TACR1: variants seen among roughly 807,000 people sequenced by gnomAD.
TACR1 encodes the protein substance-P receptor.
TACR1 carries 25 observed loss-of-function variants against 35.8 expected under a neutral mutation model. The ratio of observed to expected loss-of-function variants is 0.70; its 90% CI spans 0.51 to 0.98. The LOEUF (loss-of-function observed/expected upper bound fraction) is 0.98, where lower values mean the gene tolerates loss of function less well. Among genes scored for constraint, TACR1 ranks in the 50% least tolerant of loss-of-function variants. The pLI is 0.00. For missense variants in TACR1, 478 were observed against 522.9 expected, an observed-to-expected ratio of 0.91 and a Z score of 0.84; for synonymous variants, 195 against 206.7, an observed-to-expected ratio of 0.94 and a Z score of 0.48.
Position 75,131,237 on chromosome 2 carries a change from C to T in TACR1, c.390-10469G>A, listed in dbSNP as rs918695931. Among the ~76,000 whole-genome samples the T allele has an allele frequency of 5.3e-5, 8 of 151,926 alleles. No homozygotes were observed. In the East Asian group the frequency reaches 1.4e-3, roughly 26 times the overall value. On this transcript the variant is annotated intron_variant, in intron 1 of 4. Transcript: ENST00000305249. ...TCGAGTAGCTGGGACTACAGGTGCC[C>T]GCCACCATGCTTGGCTAATTTTTTG...
At chr2:75,179,193 C>T (rs112654015) in intron 1 of TACR1, among the ~76,000 whole-genome samples, 116 of 152,322 alleles carry the variant, frequency 7.6e-4, no homozygotes, top group African/African-American at 2.5e-3. Flanking sequence ...CCCAGTTGCT[C>T]AGCATCAAAC....
chr2:75,099,720 C>T (rs946641258), intron 2 of TACR1, among the ~76,000 whole-genome samples: 5 of 152,172 alleles, frequency 3.3e-5, no homozygotes, highest in African/African-American at 1.2e-4. Flanking sequence ...TTCTCTCCTA[C>T]CCTGCTGGCC....
rs566270784 is a variant in TACR1 at position 75,109,852 on chromosome 2, A to G, written c.584+10722T>C. 3.2e-4 allele frequency among the ~76,000 whole-genome samples: 48 copies of G among 152,344 alleles called. 1 individual carries two copies. The South Asian group carries it at 3.7e-3, about 12-fold the overall frequency. On this transcript the variant is annotated intron_variant, in intron 2 of 4. Coordinates refer to ENST00000305249, the MANE Select transcript of TACR1 (RefSeq NM_001058.4). ...AAATGGTGAAAGAAATAATCAAGTTAGTAAAATAGTAAGGGACACGGAAAG... is the reference window on the plus strand; with the variant it reads ...AAATGGTGAAAGAAATAATCAAGTTGGTAAAATAGTAAGGGACACGGAAAG...
intron 2 of TACR1, among the ~76,000 whole-genome samples, chr2:75,115,999 C>T (rs1408350654): frequency 6.8e-6 from 1 of 147,822 alleles, no homozygotes; most frequent in East Asian, 2.0e-4. Flanking sequence ...AGGTGCATAA[C>T]AGTGTGCATA....
At chr2:75,103,390 T>A (rs1167705806) in intron 2 of TACR1, among the ~76,000 whole-genome samples, 2 of 152,034 alleles carry the variant, frequency 1.3e-5, no homozygotes, top group East Asian at 3.9e-4. Context: ...TCCCTGTAAG[T>A]ATGGAATATG....
At chr2:75,146,551 T>G (rs1201350122) in intron 1 of TACR1, among the ~76,000 whole-genome samples, 1 of 152,204 alleles carries the variant, frequency 6.6e-6, no homozygotes, top group Non-Finnish European at 1.5e-5. Context: ...TCTAGGAGAT[T>G]ACTGGTCACA....
chr2:75,143,656 A>G (rs575687214), intron 1 of TACR1, among the ~76,000 whole-genome samples: 49 of 152,344 alleles, frequency 3.2e-4, no homozygotes, highest in Non-Finnish European at 5.3e-4. Flanking sequence ...GAAGATTACT[A>G]ACTCCAACGG....
In TACR1 at chr2:75,198,902, G is replaced by A. The variant is rs1309420313; in HGVS notation, c.33C>T (p.Leu11=). 6.2e-7 allele frequency: 1 copy of A among 1,613,814 alleles called. No homozygotes were observed. The highest frequency in any genetic ancestry group is 8.5e-7 in the Non-Finnish European group (1 of 1,180,032). Residue 11 remains leucine (L), a synonymous_variant, in exon 1 of 5, where the codon CTC becomes CTT. Transcript: ENST00000305249. The stretch of plus-strand genomic sequence containing the variant: ...AGGTGTTAGTGGAGATGTTTGGGGA[G>A]AGGTCTGAGTCCACCGGGAGGACGT... MDNVLPVDSD[L]SPNISTNTSE...
At chr2:75,155,731 G>A (rs1674834270) in intron 1 of TACR1, among the ~76,000 whole-genome samples, 1 of 152,232 alleles carries the variant, frequency 6.6e-6, no homozygotes, top group Non-Finnish European at 1.5e-5. Flanking sequence ...TTTTAAAAAG[G>A]AGAGTGGTCA....
At chr2:75,154,661 C>G (rs974053114) in intron 1 of TACR1, 2 of 152,430 alleles carry the variant, frequency 1.3e-5, no homozygotes, top group African/African-American at 4.8e-5. Flanking sequence ...TTCATCCCCA[C>G]TGTAAGTTAG....
At chr2:75,139,066 A>G (rs1191821298) in intron 1 of TACR1, among the ~76,000 whole-genome samples, 2 of 152,216 alleles carry the variant, frequency 1.3e-5, no homozygotes, top group Admixed American at 1.3e-4. Context: ...GCCATAGTTT[A>G]CTGACCTCTG....
intron 2 of TACR1, among the ~76,000 whole-genome samples, chr2:75,091,601 T>A (rs188632300): frequency 5.9e-5 from 9 of 152,310 alleles, no homozygotes; most frequent in African/African-American, 1.9e-4. Flanking sequence ...GGGCTGGGAT[T>A]CTACCCTGAG....
At chr2:75,179,245 A>G (rs1675502914) in intron 1 of TACR1, among the ~76,000 whole-genome samples, 1 of 151,988 alleles carries the variant, frequency 6.6e-6, no homozygotes, top group Non-Finnish European at 1.5e-5. Context: ...CTTCTATTTC[A>G]CATATATCCC....
At chr2:75,120,819 A>G in intron 1 of TACR1, 51 bp from the exon 2 acceptor site, 1 of 1,407,430 alleles carries the variant, frequency 7.1e-7, no homozygotes, top group Non-Finnish European at 9.5e-7. Context: ...CAAAATCTGT[A>G]TCAGAGATTC....
intron 2 of TACR1, among the ~76,000 whole-genome samples, chr2:75,092,403 T>C (rs1269950474): frequency 6.6e-6 from 1 of 152,166 alleles, no homozygotes; most frequent in Non-Finnish European, 1.5e-5. Flanking sequence ...TTACTCTCTT[T>C]GGGCAGTCTT....
intron 2 of TACR1, among the ~76,000 whole-genome samples, chr2:75,077,478 G>A (rs1408586623): frequency 2.6e-5 from 4 of 152,230 alleles, no homozygotes; most frequent in Non-Finnish European, 1.5e-5. Context: ...AGAAGAAGCT[G>A]AGAGGAGAGG....
intron 1 of TACR1, among the ~76,000 whole-genome samples, chr2:75,142,593 G>A (rs1374431897): frequency 1.3e-5 from 2 of 152,150 alleles, no homozygotes; most frequent in Non-Finnish European, 2.9e-5. Context: ...AACTGTGCAA[G>A]GTGCTGGAGA....
intron 1 of TACR1, among the ~76,000 whole-genome samples, chr2:75,162,814 T>C (rs1675043770): frequency 6.6e-6 from 1 of 152,218 alleles, no homozygotes; most frequent in Non-Finnish European, 1.5e-5. Flanking sequence ...AAAAATTTTG[T>C]TGATGTTTCA....
At chr2:75,105,258 T>C (rs139615191) in intron 2 of TACR1, among the ~76,000 whole-genome samples, 6 of 152,220 alleles carry the variant, frequency 3.9e-5, no homozygotes, top group Admixed American at 3.9e-4. Context: ...GAGGACATTA[T>C]GCTAAGTAAA....
Sources: gnomAD v4.1 joint callset for allele counts (sites outside exome capture counted in the v4.1 genomes callset) on GRCh38, gnomAD v4.1.1 for gene constraint, MANE v1.5 for transcripts, NCBI Gene and HGNC (gene_info 2026-07-23, HGNC 2026-07-21) for gene names.